The following BCO1 variants were observed in gnomAD, a reference collection of about 807,000 sequenced individuals.
The protein encoded by BCO1 is beta,beta-carotene 15,15'-dioxygenase.
In BCO1, 54 loss-of-function variants were observed where a neutral mutation model predicts 56.3. The observed-to-expected ratio is 0.96, with a 90% confidence interval of 0.77 to 1.20. The LOEUF (loss-of-function observed/expected upper bound fraction) is 1.20. Ranked by LOEUF, BCO1 falls within the 50% of genes most tolerant of loss-of-function variation. BCO1 has a pLI of 0.00. For synonymous variants in BCO1, 318 were observed against 266.1 expected (o/e 1.20, Z -1.90); for missense variants, 801 against 690.9 (o/e 1.16, Z -1.79).
intron 7 of BCO1, among the ~76,000 whole-genome samples, chr16:81,280,304 AAAAATT>A: frequency 1.5e-5 from 1 of 65,134 alleles, no homozygotes; most frequent in Admixed American, 2.4e-4. Flanking sequence ...AAAAAAAAAA[AAAAATT>A]ACACACACAC....
chr16:81,242,875 G>C (rs1332819530), intron 1 of BCO1, among the ~76,000 whole-genome samples: 1 of 152,118 alleles, frequency 6.6e-6, no homozygotes, highest in African/African-American at 2.4e-5. Context: ...CCTACTGTGA[G>C]CGTGAACCCT....
chr16:81,280,341 AC>A (rs1398184997), intron 7 of BCO1, among the ~76,000 whole-genome samples: 2 of 147,566 alleles, frequency 1.4e-5, no homozygotes, highest in Non-Finnish European at 3.0e-5. Flanking sequence ...ACACACACAC[AC>A]ACACACACAT....
At chr16:81,248,619 A>G (rs963919891) in intron 2 of BCO1, among the ~76,000 whole-genome samples, 4 of 152,100 alleles carry the variant, frequency 2.6e-5, no homozygotes, top group Non-Finnish European at 4.4e-5. Context: ...TATTTTGCTG[A>G]CAGCACTAAA....
At chr16:81,248,914 A>T (rs1314402945) in intron 2 of BCO1, among the ~76,000 whole-genome samples, 1 of 152,074 alleles carries the variant, frequency 6.6e-6, no homozygotes, top group African/African-American at 2.4e-5. Flanking sequence ...TGGGAGGCTG[A>T]GATAGGATAA....
In BCO1 at chr16:81,267,965, C is replaced by T. The variant is rs781402582; in HGVS notation, c.677C>T (p.Pro226Leu). The change falls in exon 6 of 11, where the codon CCA becomes CTA. Residue 226 changes from proline (P) to leucine (L), a missense_variant. Coordinates refer to ENST00000258168, the MANE Select transcript of BCO1 (RefSeq NM_017429.3). ...WKHTEVFCSI[P>L]SRSLLSPSYY... ...CACACAGAGGTGTTCTGCTCCATCC[C>T]ATCCCGCTCCCTGCTCTCCCCAAGC... 6.9e-5 allele frequency: 111 copies of T among 1,613,880 alleles called. No individual in the cohort carries two copies. The highest frequency in any genetic ancestry group is 9.0e-5 in the Non-Finnish European group (106 of 1,180,034).
In BCO1 at chr16:81,290,714, G is replaced by C; in HGVS notation, c.*137G>C. ...GGGTGCTTTGACAAGGGCATGGCAA[G>C]AGAGCTTGTCAGTATCATTTCTTTC... On this transcript the variant is annotated 3_prime_UTR_variant, in exon 11 of 11. Transcript: ENST00000258168. 1 of 677,556 alleles carries C rather than the reference G, an allele frequency of 1.5e-6. No individual in the cohort carries two copies. Among genetic ancestry groups the C allele is most frequent in the South Asian group, 1.9e-5 (1 of 52,346 alleles). 42.0% of individuals were successfully genotyped at this position (677,556 alleles called of 1,614,324 possible).
intron 2 of BCO1, among the ~76,000 whole-genome samples, chr16:81,248,609 T>C (rs1268320098): frequency 6.6e-6 from 1 of 152,144 alleles, no homozygotes; most frequent in Non-Finnish European, 1.5e-5. Context: ...GGTGGTTCCA[T>C]ATTTTGCTGA....
At chr16:81,242,687 G>T (rs1905188100) in intron 1 of BCO1, among the ~76,000 whole-genome samples, 1 of 152,014 alleles carries the variant, frequency 6.6e-6, no homozygotes, top group Admixed American at 6.6e-5. Context: ...CCACACCATG[G>T]GTGGAGACAA....
chr16:81,257,306 C>G (rs1381327943), intron 2 of BCO1, among the ~76,000 whole-genome samples: 1 of 152,042 alleles, frequency 6.6e-6, no homozygotes, highest in African/African-American at 2.4e-5. Context: ...GCTCTGTCGT[C>G]CAGGCTATAG....
chr16:81,241,593 T>C (rs1905112858), intron 1 of BCO1, among the ~76,000 whole-genome samples: 1 of 152,018 alleles, frequency 6.6e-6, no homozygotes, highest in Non-Finnish European at 1.5e-5. Context: ...GGGGTGGAGC[T>C]CAGCAAGCTG....
In BCO1 at chr16:81,280,899, A is replaced by T; in HGVS notation, c.1144A>T (p.Thr382Ser). The T allele has an allele frequency of 1.2e-6, 2 of 1,614,174 alleles. No homozygotes were observed. Among genetic ancestry groups the T allele is most frequent in the Non-Finnish European group, 1.7e-6 (2 of 1,180,022 alleles). Reference sequence around the variant, plus strand: ...AAATTTAATCAAAGTGGCATCTACAACAGCCACGGCCCTGAAGGAAGAAGA... The same window carrying T: ...AAATTTAATCAAAGTGGCATCTACATCAGCCACGGCCCTGAAGGAAGAAGA... The part of the protein sequence containing the change: ...GTNLIKVAST[T>S]ATALKEEDGQ... Residue 382 changes from threonine (T) to serine (S), a missense_variant, in exon 8 of 11, where the codon ACA (threonine) becomes TCA (serine). Physicochemically the swap from Thr to Ser is moderately conservative, Grantham distance 58. Transcript: ENST00000258168.
intron 8 of BCO1, among the ~76,000 whole-genome samples, chr16:81,281,261 C>T (rs773317317): frequency 3.3e-5 from 5 of 152,144 alleles, no homozygotes; most frequent in Non-Finnish European, 5.9e-5. Context: ...GCCTGAGCAA[C>T]ATGGCGAAAC....
At chr16:81,249,007 G>A (rs943479464) in intron 2 of BCO1, among the ~76,000 whole-genome samples, 1 of 151,582 alleles carries the variant, frequency 6.6e-6, no homozygotes, top group East Asian at 1.9e-4. Context: ...GTGAGACTCC[G>A]TCTCAAGAAA....
chr16:81,243,423 T>C (rs1314600296), intron 1 of BCO1, among the ~76,000 whole-genome samples: 1 of 152,032 alleles, frequency 6.6e-6, no homozygotes, highest in Non-Finnish European at 1.5e-5. Context: ...GGTCCAGTCT[T>C]ACTAAACAGC....
At chr16:81,246,237 A>G (rs1019857972) in intron 2 of BCO1, among the ~76,000 whole-genome samples, 2 of 151,850 alleles carry the variant, frequency 1.3e-5, no homozygotes, top group African/African-American at 4.8e-5. Flanking sequence ...CCTCCCTCTT[A>G]TAAGGACCCT....
intron 5 of BCO1, among the ~76,000 whole-genome samples, chr16:81,267,439 C>T (rs545256387): frequency 6.6e-6 from 1 of 152,306 alleles, no homozygotes; most frequent in Admixed American, 6.5e-5. Context: ...ATGGCAAAAC[C>T]CCATCTCTAC....
intron 6 of BCO1, among the ~76,000 whole-genome samples, chr16:81,269,065 C>CT (rs71146003): frequency 0.051 from 4,232 of 82,890 alleles, 346 homozygotes; most frequent in African/African-American, 0.12. Flanking sequence ...TGCACCTGGT[C>CT]TTTTTTTTTT....
chr16:81,270,166 T>A lies in BCO1; in HGVS notation c.851T>A (p.Ile284Asn). ...LAFHREEKTY[I>N]HIIDQRTRQP... ...ATATGTGTCCTTTTTCAGACTTATA[T>A]CCACATCATCGACCAAAGGACCAGG... Residue 284 changes from isoleucine to asparagine, a missense_variant, in exon 7 of 11, where the codon ATC becomes AAC. By Grantham distance (149) the Ile-to-Asn change is moderately radical. Coordinates refer to ENST00000258168, the MANE Select transcript of BCO1 (RefSeq NM_017429.3). 1 of 1,614,108 alleles carries A rather than the reference T, an allele frequency of 6.2e-7. No homozygotes were observed. The highest frequency in any genetic ancestry group is 1.3e-5 in the African/African-American group (1 of 75,028).
At chr16:81,247,357 C>T (rs1181712363) in intron 2 of BCO1, among the ~76,000 whole-genome samples, 1 of 151,968 alleles carries the variant, frequency 6.6e-6, no homozygotes, top group African/African-American at 2.4e-5. Flanking sequence ...CTGGTAGATG[C>T]TTAAGAGATT....
Sources: allele counts gnomAD v4.1 joint callset (sites outside exome capture counted in the v4.1 genomes callset), GRCh38; gene constraint gnomAD v4.1.1; transcripts MANE v1.5; gene names NCBI Gene and HGNC (gene_info 2026-07-23, HGNC 2026-07-21).